Variants in POU2F1 observed in about 807,000 individuals in gnomAD.
POU2F1 encodes POU class 2 homeobox 1, also known as POU domain, class 2, transcription factor 1.
In POU2F1, 16 loss-of-function variants were observed where a neutral mutation model predicts 84.9. The ratio of observed to expected loss-of-function variants is 0.19; its 90% CI spans 0.13 to 0.29. The LOEUF is 0.29. Ranked by LOEUF, POU2F1 falls within the 10% of genes least tolerant of loss-of-function variation. POU2F1 has a pLI of 1.00. For synonymous variants in POU2F1, 368 were observed against 368.3 expected (o/e 1.00, Z 0.01); for missense variants, 738 against 942.6 (o/e 0.78, Z 2.84).
intron 1 of POU2F1, among the ~76,000 whole-genome samples, chr1:167,330,198 A>C (rs1656989195): frequency 6.6e-6 from 1 of 152,172 alleles, no homozygotes; most frequent in Non-Finnish European, 1.5e-5. Context: ...TGGATATCTT[A>C]CATTTAAAAC....
chr1:167,393,984 CATTTT>C (rs72197092), intron 9 of POU2F1, among the ~76,000 whole-genome samples: 27,154 of 148,312 alleles, frequency 0.18, 2,849 homozygotes, highest in African/African-American at 0.28. Flanking sequence ...AATGAAGTAA[CATTTT>C]ATTTTATTTT....
At chr1:167,300,067 G>A (rs1306348339) in intron 1 of POU2F1, among the ~76,000 whole-genome samples, 2 of 152,150 alleles carry the variant, frequency 1.3e-5, no homozygotes, top group Non-Finnish European at 2.9e-5. Flanking sequence ...CAGATACCAC[G>A]GAATACTACA....
intron 15 of POU2F1, chr1:167,414,306 A>G: frequency 1.0e-6 from 1 of 984,478 alleles, no homozygotes; most frequent in South Asian, 4.7e-5. Context: ...CTGTGTTGAT[A>G]CTACAAAGGC....
intron 13 of POU2F1, among the ~76,000 whole-genome samples, chr1:167,404,623 A>C (rs564972359): frequency 5.4e-4 from 83 of 152,294 alleles, no homozygotes; most frequent in African/African-American, 1.9e-3. Context: ...TGGTAGAAGG[A>C]GGGAAAGGCC....
intron 9 of POU2F1, among the ~76,000 whole-genome samples, chr1:167,395,738 A>G (rs538954949): frequency 1.3e-5 from 2 of 151,970 alleles, no homozygotes; most frequent in East Asian, 3.9e-4. Flanking sequence ...CCAAATGGCT[A>G]GGACTACAGG....
At chr1:167,225,485 A>T (rs1171592058) in intron 1 of POU2F1, among the ~76,000 whole-genome samples, 1 of 152,254 alleles carries the variant, frequency 6.6e-6, no homozygotes, top group Non-Finnish European at 1.5e-5. Context: ...CCTAGTTTGA[A>T]GTAATTGTCA....
At chr1:167,245,788 C>T (rs1650276505) in intron 1 of POU2F1, among the ~76,000 whole-genome samples, 1 of 152,170 alleles carries the variant, frequency 6.6e-6, no homozygotes, top group South Asian at 2.1e-4. Context: ...AACTCCTGGG[C>T]TTAAGCAGTC....
At chr1:167,331,048 A>G (rs925257686) in intron 1 of POU2F1, among the ~76,000 whole-genome samples, 1 of 152,090 alleles carries the variant, frequency 6.6e-6, no homozygotes, top group African/African-American at 2.4e-5. Flanking sequence ...AAACCTTAGT[A>G]TGCTTTCAGA....
chr1:167,256,547 A>C (rs543823257), intron 1 of POU2F1, among the ~76,000 whole-genome samples: 11 of 152,158 alleles, frequency 7.2e-5, no homozygotes, highest in Admixed American at 1.3e-4. Context: ...TTGAATTTCA[A>C]CTTGAGAATA....
chr1:167,355,304 C>T (rs1041860233), intron 2 of POU2F1, among the ~76,000 whole-genome samples: 5 of 152,130 alleles, frequency 3.3e-5, no homozygotes, highest in Admixed American at 3.3e-4. Context: ...CCCTTCCTCA[C>T]CTCTGTCATG....
chr1:167,339,226 C>T (rs762310223), intron 2 of POU2F1, among the ~76,000 whole-genome samples: 4 of 152,144 alleles, frequency 2.6e-5, no homozygotes, highest in Non-Finnish European at 4.4e-5. Flanking sequence ...TTCTCTAACT[C>T]TCCTGTCCCC....
intron 1 of POU2F1, among the ~76,000 whole-genome samples, chr1:167,260,752 T>C (rs1651503848): frequency 6.6e-6 from 1 of 152,214 alleles, no homozygotes; most frequent in African/African-American, 2.4e-5. Flanking sequence ...ACTTTTTGTT[T>C]ACTACTATGT....
Position 167,370,235 on chromosome 1 carries a change from A to T in POU2F1, c.282+21A>T, listed in dbSNP as rs749978273. 3.1e-5 allele frequency: 48 copies of T among 1,569,588 alleles called. No individual in the cohort carries two copies. The Admixed American group carries it at 8.3e-4, about 27-fold the overall frequency. On this transcript the variant is annotated intron_variant, in intron 4 of 15. Transcript: ENST00000367866. ...TACAGGTAAGCTGGGACCTGGGATT[A>T]TGGGTCAATCTTTTATTTATTTTTT...
chr1:167,349,612 G>A (rs1557915180), intron 2 of POU2F1, among the ~76,000 whole-genome samples: 1 of 152,044 alleles, frequency 6.6e-6, no homozygotes, highest in African/African-American at 2.4e-5. Context: ...TAATGAATAG[G>A]CCTGAGAACT....
chr1:167,370,462 G>T (rs1032305192), intron 4 of POU2F1, among the ~76,000 whole-genome samples: 2 of 152,196 alleles, frequency 1.3e-5, no homozygotes, highest in Non-Finnish European at 2.9e-5. Flanking sequence ...TGTAAGTTCA[G>T]TAAAAATGTT....
chr1:167,238,440 C>T (rs986470616), intron 1 of POU2F1, among the ~76,000 whole-genome samples: 1 of 152,118 alleles, frequency 6.6e-6, no homozygotes, highest in Non-Finnish European at 1.5e-5. Context: ...GTACTAAGAT[C>T]AGAAGGAAAC....
intron 1 of POU2F1, among the ~76,000 whole-genome samples, chr1:167,251,150 G>T (rs1439546980): frequency 1.3e-5 from 2 of 152,156 alleles, no homozygotes; most frequent in Non-Finnish European, 2.9e-5. Context: ...TGTAATCCCA[G>T]CACTTTGGGA....
intron 1 of POU2F1, among the ~76,000 whole-genome samples, chr1:167,283,761 A>G (rs1165514180): frequency 6.6e-6 from 1 of 152,282 alleles, no homozygotes; most frequent in East Asian, 1.9e-4. Context: ...GCTATTTTCT[A>G]TAGTTTGTAC....
At chr1:167,374,938 G>A (rs2101855207) in intron 6 of POU2F1, among the ~76,000 whole-genome samples, 2 of 152,050 alleles carry the variant, frequency 1.3e-5, no homozygotes, top group Non-Finnish European at 2.9e-5. Context: ...GTGGTGGCAG[G>A]TGCCTGTAAT....
Sources: gnomAD v4.1 joint callset for allele counts (sites outside exome capture counted in the v4.1 genomes callset) on GRCh38, gnomAD v4.1.1 for gene constraint, MANE v1.5 for transcripts, NCBI Gene and HGNC (gene_info 2026-07-23, HGNC 2026-07-21) for gene names.